The following CRISPLD2 variants were observed in gnomAD, a reference collection of about 807,000 sequenced individuals.
CRISPLD2 encodes the protein cysteine-rich secretory protein LCCL domain-containing 2.
A neutral mutation model predicts 71.1 loss-of-function variants in CRISPLD2; 47 were observed. The observed-to-expected ratio is 0.66, with a 90% confidence interval of 0.52 to 0.84. CRISPLD2 has a LOEUF of 0.84. CRISPLD2 is among the 40% of genes least tolerant of loss of function. The pLI is 0.00. For missense variants in CRISPLD2, 830 were observed against 651.1 expected (o/e 1.27, Z -2.99); for synonymous variants, 317 against 250.1 (o/e 1.27, Z -2.52).
At chr16:84,906,172 G>A (rs1231636436) in intron 14 of CRISPLD2, among the ~76,000 whole-genome samples, 1 of 152,034 alleles carries the variant, frequency 6.6e-6, no homozygotes, top group East Asian at 1.9e-4. Context: ...CAGGAGGAAG[G>A]TGGAAGGCGG....
chr16:84,870,190 A>G (rs771964610), intron 8 of CRISPLD2, among the ~76,000 whole-genome samples: 75 of 152,230 alleles, frequency 4.9e-4, no homozygotes, highest in Non-Finnish European at 7.3e-4. Flanking sequence ...CAGGAAAGCA[A>G]TAACAACAAC....
At chr16:84,849,332 A>G in intron 3 of CRISPLD2, 53 bp from the exon 4 acceptor site, 1 of 1,546,470 alleles carries the variant, frequency 6.5e-7, no homozygotes, top group Non-Finnish European at 8.8e-7. Flanking sequence ...TGCTGTCTCC[A>G]CTGGTGGGTG....
chr16:84,879,308 C>T (rs1468090155), intron 12 of CRISPLD2, among the ~76,000 whole-genome samples: 1 of 151,504 alleles, frequency 6.6e-6, no homozygotes, highest in Non-Finnish European at 1.5e-5. Context: ...TCTGATCTGC[C>T]ATTCCAAAAG....
At chr16:84,846,990 G>A (rs770322792) in intron 3 of CRISPLD2, among the ~76,000 whole-genome samples, 2 of 152,184 alleles carry the variant, frequency 1.3e-5, no homozygotes, top group Non-Finnish European at 2.9e-5. Flanking sequence ...TTTTGACCAC[G>A]CCCAGGATAA....
At chr16:84,849,074 C>T in intron 3 of CRISPLD2, 1 of 249,042 alleles carries the variant, frequency 4.0e-6, no homozygotes, top group Non-Finnish European at 7.9e-6. Context: ...ACCTGAGGAG[C>T]CTACTAGAGA....
intron 14 of CRISPLD2, among the ~76,000 whole-genome samples, chr16:84,906,048 A>T (rs902527042): frequency 6.6e-6 from 1 of 151,988 alleles, no homozygotes; most frequent in Non-Finnish European, 1.5e-5. Flanking sequence ...TAGCTGAAGG[A>T]TTTAACTCCT....
At chr16:84,820,545 G>A (rs1286988651) in intron 1 of CRISPLD2, among the ~76,000 whole-genome samples, 1 of 152,188 alleles carries the variant, frequency 6.6e-6, no homozygotes, top group African/African-American at 2.4e-5. Context: ...CTCATGTCTG[G>A]AGGACCAGGG....
intron 3 of CRISPLD2, among the ~76,000 whole-genome samples, chr16:84,848,324 C>T (rs1244255575): frequency 2.6e-5 from 4 of 152,202 alleles, no homozygotes; most frequent in Non-Finnish European, 5.9e-5. Context: ...CTCTAACTGC[C>T]TCGACGACCA....
intron 13 of CRISPLD2, among the ~76,000 whole-genome samples, chr16:84,882,093 C>G (rs1400583195): frequency 6.6e-6 from 1 of 151,948 alleles, no homozygotes; most frequent in Non-Finnish European, 1.5e-5. Flanking sequence ...GAACCAAATT[C>G]TACCATTAAG....
rs889024885 is a variant in CRISPLD2, at chr16:84,872,525, C to T, written c.981+17C>T. On this transcript the variant is annotated intron_variant, in intron 9 of 14. Transcript: ENST00000262424. ...TATGAAAGCGTGAGTGTGGCCAGTC[C>T]TCCTCTCAATGGCTTGTGTGGGATC... 5 of 1,606,382 alleles carry T rather than the reference C, an allele frequency of 3.1e-6. No homozygotes were observed. Among genetic ancestry groups the T allele is most frequent in the Non-Finnish European group, 4.3e-6 (5 of 1,174,164 alleles).
intron 13 of CRISPLD2, among the ~76,000 whole-genome samples, chr16:84,883,402 G>A (rs2071585032): frequency 6.6e-6 from 1 of 152,344 alleles, no homozygotes; most frequent in Admixed American, 6.5e-5. Flanking sequence ...AGAAGCATCG[G>A]GGTGTGGCCC....
chr16:84,837,168 G>A (rs186671707), intron 1 of CRISPLD2, among the ~76,000 whole-genome samples: 62 of 152,328 alleles, frequency 4.1e-4, no homozygotes, highest in Admixed American at 1.1e-3. Flanking sequence ...GGACGCACTC[G>A]TTCAAGCCCT....
intron 2 of CRISPLD2, among the ~76,000 whole-genome samples, chr16:84,840,653 T>G (rs1597451553): frequency 6.6e-6 from 1 of 152,066 alleles, no homozygotes; most frequent in Admixed American, 6.6e-5. Context: ...ATTACAGGCT[T>G]GCACCACCAC....
At position 84,907,457 on chromosome 16, in the gene CRISPLD2, CG is replaced by C. The variant is rs2071813781; in HGVS notation, c.*816del. On this transcript the variant is annotated 3_prime_UTR_variant, in exon 15 of 15. Coordinates refer to ENST00000262424, the MANE Select transcript of CRISPLD2 (RefSeq NM_031476.4). The stretch of plus-strand genomic sequence containing the variant: ...CGGGACCCTTTCTTTACCCCCTACC[CG>C]TTGTGGCTCCCACCCTGCCTCGGAC... 1 of 152,242 alleles carries C rather than the reference CG, an allele frequency of 6.6e-6. No homozygotes were observed. The highest frequency in any genetic ancestry group is 6.5e-5 in the Admixed American group (1 of 15,278). 9.4% of individuals were successfully genotyped at this position (152,242 alleles called of 1,614,324 possible). A position where few individuals can be genotyped will look rare whatever the true frequency, so the allele number is the denominator to read the frequency against.
intron 5 of CRISPLD2, among the ~76,000 whole-genome samples, 189 bp downstream of exon 5, chr16:84,850,872 C>T (rs1167714241): frequency 1.3e-5 from 2 of 152,198 alleles, no homozygotes; most frequent in Middle Eastern, 6.3e-3. Flanking sequence ...TTCTTTCCGT[C>T]TTCCTGCCGT....
intron 6 of CRISPLD2, among the ~76,000 whole-genome samples, chr16:84,861,232 G>C (rs993609226): frequency 6.6e-6 from 1 of 152,112 alleles, no homozygotes; most frequent in Non-Finnish European, 1.5e-5. Flanking sequence ...ACCAATGAAA[G>C]AACTCCATCC....
chr16:84,855,446 A>G (rs1408425666), intron 6 of CRISPLD2, among the ~76,000 whole-genome samples: 1 of 152,170 alleles, frequency 6.6e-6, no homozygotes, highest in Non-Finnish European at 1.5e-5. Context: ...AGCACGGGAG[A>G]AAGATGGAGG....
chr16:84,822,423 G>T (rs374712291), intron 1 of CRISPLD2, among the ~76,000 whole-genome samples: 16 of 152,322 alleles, frequency 1.1e-4, no homozygotes, highest in Admixed American at 7.8e-4. Flanking sequence ...AGTTTTTGGA[G>T]GCAGGGCACT....
chr16:84,904,409 C>T (rs1048826567), intron 14 of CRISPLD2, among the ~76,000 whole-genome samples: 1 of 152,090 alleles, frequency 6.6e-6, no homozygotes, highest in South Asian at 2.1e-4. Context: ...CATGGCAAAA[C>T]CCCATCTCTG....
Sources: allele counts gnomAD v4.1 joint callset (sites outside exome capture counted in the v4.1 genomes callset), GRCh38; gene constraint gnomAD v4.1.1; transcripts MANE v1.5; gene names NCBI Gene and HGNC (gene_info 2026-07-23, HGNC 2026-07-21).